RCAN1: variants seen among roughly 807,000 people sequenced by gnomAD.
RCAN1 encodes calcipressin-1.
A neutral mutation model predicts 22.9 loss-of-function variants in RCAN1; 11 were observed. The observed-to-expected ratio is 0.48, with a 90% confidence interval of 0.30 to 0.79. RCAN1 has a LOEUF of 0.79. RCAN1 is among the 30% of genes least tolerant of loss of function. The pLI is 0.06. For synonymous variants in RCAN1, 136 were observed against 142.3 expected (o/e 0.96, Z 0.32); for missense variants, 291 against 337.8 (o/e 0.86, Z 1.09).
rs373787478 is a variant in RCAN1 at position 34,611,126 on chromosome 21, G to A, written c.252+3634C>T. 3.8e-4 allele frequency among the ~76,000 whole-genome samples: 58 copies of A among 152,252 alleles called. 2 individuals carry two copies. The South Asian group carries it at 0.012, about 32-fold the overall frequency. ...TTAAATTCCTGGTCAGCTTGATGAT[G>A]ACTGAATAAACTCTTATTCCAGGGA... On this transcript the variant is annotated intron_variant, in intron 1 of 3. Transcript: ENST00000313806.
intron 1 of RCAN1, among the ~76,000 whole-genome samples, chr21:34,569,749 T>C (rs1461791264): frequency 6.6e-6 from 1 of 152,262 alleles, no homozygotes; most frequent in Non-Finnish European, 1.5e-5. Flanking sequence ...ATATATATCA[T>C]CTTAAATTTC....
intron 1 of RCAN1, among the ~76,000 whole-genome samples, chr21:34,556,951 C>T (rs561624554): frequency 1.6e-4 from 24 of 152,296 alleles, no homozygotes; most frequent in Non-Finnish European, 2.5e-4. Flanking sequence ...TGGTGGCTGA[C>T]GCCTGTAATC....
intron 1 of RCAN1, among the ~76,000 whole-genome samples, chr21:34,599,398 C>T (rs1211745850): frequency 1.3e-5 from 2 of 152,010 alleles, no homozygotes; most frequent in Non-Finnish European, 2.9e-5. Context: ...CATTTGAACC[C>T]GGGAGGTGGA....
At chr21:34,590,814 G>T (rs1987946862) in intron 1 of RCAN1, among the ~76,000 whole-genome samples, 1 of 152,188 alleles carries the variant, frequency 6.6e-6, no homozygotes, top group Non-Finnish European at 1.5e-5. Context: ...GAATCTCATG[G>T]ATACACACAG....
chr21:34,549,010 C>T (rs575749704), intron 1 of RCAN1, among the ~76,000 whole-genome samples: 12 of 152,180 alleles, frequency 7.9e-5, no homozygotes, highest in Non-Finnish European at 1.3e-4. Flanking sequence ...GGTCCAACAC[C>T]CAGGATAGGG....
intron 2 of RCAN1, 32 bp from the exon 3 acceptor site, chr21:34,521,690 T>C: frequency 6.4e-7 from 1 of 1,572,980 alleles, no homozygotes; most frequent in South Asian, 1.2e-5. Context: ...AGGTCAGTTG[T>C]TGCCAGGGAA....
At chr21:34,525,746 C>T (rs1312813648) in intron 1 of RCAN1, 2 of 169,812 alleles carry the variant, frequency 1.2e-5, no homozygotes, top group Non-Finnish European at 2.5e-5. Context: ...ATCTCTACTT[C>T]ATTTAAAAAA....
At chr21:34,585,059 A>T (rs1374798053) in intron 1 of RCAN1, among the ~76,000 whole-genome samples, 1 of 152,244 alleles carries the variant, frequency 6.6e-6, no homozygotes, top group Non-Finnish European at 1.5e-5. Context: ...CTTGTTTAAA[A>T]CAAAATTTTT....
Position 34,614,353 on chromosome 21 carries a change from C to A in RCAN1, c.252+407G>T, listed in dbSNP as rs1988760184. On this transcript the variant is annotated intron_variant, in intron 1 of 3. Transcript: ENST00000313806. The surrounding 1 kb of genome is among the most constrained non-coding windows in gnomAD (Gnocchi z 6.0). ...CGTCCTATTTATGAACACTGAGTCA[C>A]GTCGCCGCTCAATGTCTGTTTCCTC... 14 of 990,734 alleles carry A rather than the reference C, an allele frequency of 1.4e-5. No homozygotes were observed. Among genetic ancestry groups the A allele is most frequent in the African/African-American group, 1.7e-5 (1 of 57,498 alleles). 61.4% of individuals were successfully genotyped at this position (990,734 alleles called of 1,614,324 possible). A position where few individuals can be genotyped will look rare whatever the true frequency, so the allele number is the denominator to read the frequency against.
chr21:34,589,056 T>A (rs763906955), intron 1 of RCAN1, among the ~76,000 whole-genome samples: 1 of 152,194 alleles, frequency 6.6e-6, no homozygotes, highest in Non-Finnish European at 1.5e-5. Context: ...GTTTCAGTTG[T>A]ACAAGATGAA....
chr21:34,582,396 C>A (rs879925541), intron 1 of RCAN1, among the ~76,000 whole-genome samples: 6 of 152,078 alleles, frequency 3.9e-5, no homozygotes, highest in Non-Finnish European at 8.8e-5. Flanking sequence ...GGTGCGCTCG[C>A]TTAGCTAGGG....
At chr21:34,529,492 A>C (rs1256847065) in intron 1 of RCAN1, among the ~76,000 whole-genome samples, 1 of 152,192 alleles carries the variant, frequency 6.6e-6, no homozygotes, top group African/African-American at 2.4e-5. Context: ...AATTCTTGCT[A>C]AGAGAGTCTG....
intron 1 of RCAN1, among the ~76,000 whole-genome samples, chr21:34,597,470 G>A (rs967572819): frequency 1.8e-4 from 27 of 152,156 alleles, no homozygotes; most frequent in African/African-American, 4.8e-4. Context: ...CTCACAGAAC[G>A]TTCGGGAAGC....
At chr21:34,527,572 GA>G (rs1273471997) in intron 1 of RCAN1, among the ~76,000 whole-genome samples, 1 of 152,158 alleles carries the variant, frequency 6.6e-6, no homozygotes, top group Non-Finnish European at 1.5e-5. Flanking sequence ...GAGAACTGGG[GA>G]TATGAAACAC....
intron 3 of RCAN1, 73 bp downstream of exon 3, chr21:34,521,426 T>A (rs1259420778): frequency 5.0e-6 from 8 of 1,608,750 alleles, no homozygotes; most frequent in Non-Finnish European, 6.8e-6. Flanking sequence ...GGGGTAGTGG[T>A]GGTACTGCTC....
At chr21:34,545,942 A>T (rs1233309291) in intron 1 of RCAN1, among the ~76,000 whole-genome samples, 1 of 152,234 alleles carries the variant, frequency 6.6e-6, no homozygotes, top group Admixed American at 6.5e-5. Flanking sequence ...CTCTTTTAAT[A>T]CAGAGCTGCT....
chr21:34,599,262 G>A (rs1988258736), intron 1 of RCAN1, among the ~76,000 whole-genome samples: 1 of 152,160 alleles, frequency 6.6e-6, no homozygotes, highest in African/African-American at 2.4e-5. Context: ...AGGAATAGCT[G>A]GTTGAGTTGT....
intron 1 of RCAN1, among the ~76,000 whole-genome samples, chr21:34,586,550 A>C (rs1357501381): frequency 6.6e-6 from 1 of 152,260 alleles, no homozygotes; most frequent in Non-Finnish European, 1.5e-5. Flanking sequence ...CCATACTTAG[A>C]GGTAAATTTC....
At chr21:34,521,478 C>T in intron 3 of RCAN1, 21 bp downstream of exon 3, 1 of 1,614,040 alleles carries the variant, frequency 6.2e-7, no homozygotes, top group Non-Finnish European at 8.5e-7. Context: ...TGCCTCCCTC[C>T]CACCCGAGGG....
Sources: allele counts gnomAD v4.1 joint callset (sites outside exome capture counted in the v4.1 genomes callset), GRCh38; gene constraint gnomAD v4.1.1; non-coding constraint Gnocchi (gnomAD v3.1); transcripts MANE v1.5; gene names NCBI Gene and HGNC (gene_info 2026-07-23, HGNC 2026-07-21).